Variants in ANKRD27 observed in about 807,000 individuals in gnomAD.
The protein encoded by ANKRD27 is ankyrin repeat domain 27.
In ANKRD27, 112 loss-of-function variants were observed where a neutral mutation model predicts 129.7. The ratio of observed to expected loss-of-function variants is 0.86; its 90% confidence interval spans 0.74 to 1.01. ANKRD27 has a LOEUF of 1.01. Among genes scored for constraint, ANKRD27 ranks in the 50% least tolerant of loss-of-function variants. The pLI is 0.00. For synonymous variants in ANKRD27, 516 were observed against 511.2 expected, an observed-to-expected ratio of 1.01 and a Z score of -0.13; for missense variants, 1,258 against 1,300.5, an observed-to-expected ratio of 0.97 and a Z score of 0.50.
chr19:32,618,093 T>G (rs1021467151), intron 20 of ANKRD27, among the ~76,000 whole-genome samples: 1 of 151,868 alleles, frequency 6.6e-6, no homozygotes. Context: ...CTAAAACTGC[T>G]CAGGGAGGGC....
chr19:32,643,136 T>G lies in ANKRD27; in HGVS notation c.769A>C (p.Lys257Gln). 6.2e-7 allele frequency: 1 copy of G among 1,613,856 alleles called. No individual in the cohort carries two copies. Among genetic ancestry groups the G allele is most frequent in the East Asian group, 2.2e-5 (1 of 44,858 alleles). ...GCAAACCCTTACCTGAACTCCGGTT[T>G]CACACCAATATCTTTCTGCTGAAGA... ...QDLQQKDIGVKPEFSFNIPRA... is the reference protein window; with the variant it reads ...QDLQQKDIGVQPEFSFNIPRA... Residue 257 changes from lysine to glutamine, a missense_variant, in exon 9 of 29, where the codon AAA becomes CAA. Transcript: ENST00000306065.
intron 1 of ANKRD27, among the ~76,000 whole-genome samples, 187 bp downstream of exon 1, chr19:32,674,884 G>A (rs1040389828): frequency 4.6e-5 from 7 of 152,030 alleles, no homozygotes; most frequent in East Asian, 3.9e-4. Context: ...GCTGCGCACC[G>A]GGCACCCACC....
chr19:32,626,051 T>A (rs1972085949), intron 16 of ANKRD27, 85 bp from the exon 17 acceptor site: 7 of 1,034,992 alleles, frequency 6.8e-6, no homozygotes, highest in Non-Finnish European at 9.5e-6. Flanking sequence ...GGGAGGTCAT[T>A]TGCTCCCATC....
chr19:32,604,515 CATT>C (rs1971701625), intron 24 of ANKRD27, 91 bp from the exon 25 acceptor site: 2 of 1,269,556 alleles, frequency 1.6e-6, no homozygotes, highest in South Asian at 2.1e-5. Context: ...CTATAAAACA[CATT>C]GTTTTTTTTA....
At position 32,666,639 on chromosome 19, in the gene ANKRD27, C is replaced by CTTTT. The variant is rs1421941665; in HGVS notation, c.-30-7595_-30-7594insAAAA. On this transcript the variant is annotated intron_variant, in intron 1 of 28. Transcript: ENST00000306065. ...GGGCACAGAAAAGGAAATCAGATTT[C>CTTTT]TATTTTTTTTTTTTTTTTTTTTTGA... 1.5e-4 allele frequency among the ~76,000 whole-genome samples: 17 copies of CTTTT among 111,994 alleles called. 3 individuals are homozygous for CTTTT. Among genetic ancestry groups the CTTTT allele is most frequent in the Admixed American group, 2.1e-4 (2 of 9,690 alleles). 73.5% of individuals were successfully genotyped at this position (111,994 alleles called of 152,430 possible).
At position 32,599,985 on chromosome 19, in the gene ANKRD27, C is replaced by A; in HGVS notation, c.2833G>T (p.Ala945Ser). 6.2e-7 allele frequency: 1 copy of A among 1,612,672 alleles called. No homozygotes were observed. The highest frequency in any genetic ancestry group is 1.7e-5 in the Admixed American group (1 of 59,882). Residue 945 changes from alanine (A) to serine (S), a missense_variant, in exon 27 of 29, where the codon GCT becomes TCT. Physicochemically the swap from Ala to Ser is moderately conservative, Grantham distance 99 (BLOSUM62 1). Transcript: ENST00000306065. The part of the protein sequence containing the change: ...FTRQFYFVHS[A>S]GQFKGKTSRE... The stretch of plus-strand genomic sequence containing the variant: ...TTTCATACTCACTTAAACTGACCAG[C>A]TGAGTGGACAAAGTAAAACTGTCTT...
At chr19:32,655,877 G>C (rs1967507571) in intron 2 of ANKRD27, among the ~76,000 whole-genome samples, 1 of 151,974 alleles carries the variant, frequency 6.6e-6, no homozygotes, top group African/African-American at 2.4e-5. Context: ...CATCAGTCAG[G>C]CATGGTGGTG....
At chr19:32,657,072 C>G (rs898249457) in intron 2 of ANKRD27, among the ~76,000 whole-genome samples, 3 of 151,970 alleles carry the variant, frequency 2.0e-5, no homozygotes, top group Non-Finnish European at 2.9e-5. Flanking sequence ...TGTCAAGAAA[C>G]CCAGCTTCTC....
chr19:32,618,650 G>T (rs1298069137), intron 20 of ANKRD27, among the ~76,000 whole-genome samples: 5 of 152,050 alleles, frequency 3.3e-5, no homozygotes, highest in Non-Finnish European at 2.9e-5. Context: ...CACGGCTTGT[G>T]GGTAGTGGGA....
At chr19:32,641,106 C>A (rs1378534017) in intron 10 of ANKRD27, among the ~76,000 whole-genome samples, 1 of 151,614 alleles carries the variant, frequency 6.6e-6, no homozygotes, top group Non-Finnish European at 1.5e-5. Flanking sequence ...TTTCACCGTG[C>A]TAGCCAGGAT....
rs1555747114 is a variant in ANKRD27 at position 32,656,095 on chromosome 19, G to GGA, written c.102+2818_102+2819insTC. On this transcript the variant is annotated intron_variant, in intron 2 of 28. Coordinates refer to ENST00000306065, the MANE Select transcript of ANKRD27 (RefSeq NM_032139.3). ...AGAAAGAAAGAAAGAAAGAAAGAAA[G>GGA]AAAGAAAGAAAGAAAAGAAAAGAAA... Among the ~76,000 whole-genome samples, 450 of 116,506 alleles carry GGA rather than the reference G, an allele frequency of 3.9e-3. 5 individuals are homozygous for GGA. Among genetic ancestry groups the GGA allele is most frequent in the African/African-American group, 0.013 (362 of 26,850 alleles). 76.4% of individuals were successfully genotyped at this position (116,506 alleles called of 152,430 possible). A position where few individuals can be genotyped will look rare whatever the true frequency, so the allele number is the denominator to read the frequency against.
intron 2 of ANKRD27, among the ~76,000 whole-genome samples, chr19:32,652,588 T>G (rs1402069442): frequency 1.3e-5 from 2 of 149,062 alleles, no homozygotes; most frequent in African/African-American, 5.0e-5. Context: ...GGGTAGGGTG[T>G]GGGGTTGGGG....
intron 28 of ANKRD27, among the ~76,000 whole-genome samples, chr19:32,599,109 G>A (rs533790712): frequency 6.6e-5 from 10 of 152,146 alleles, no homozygotes; most frequent in South Asian, 2.1e-4. Context: ...GTGAAACTGC[G>A]TCTCTACTAA....
At chr19:32,624,224 G>A (rs1043117365) in intron 17 of ANKRD27, among the ~76,000 whole-genome samples, 1 of 152,080 alleles carries the variant, frequency 6.6e-6, no homozygotes, top group Non-Finnish European at 1.5e-5. Context: ...AAAATTAGCT[G>A]GATGTGGTGG....
intron 23 of ANKRD27, among the ~76,000 whole-genome samples, chr19:32,606,240 C>T (rs1288077583): frequency 6.6e-6 from 1 of 151,442 alleles, no homozygotes; most frequent in African/African-American, 2.4e-5. Context: ...CCAGCCTCCG[C>T]CTCCCAGGTT....
In ANKRD27 at chr19:32,622,616, C is replaced by T. The variant is rs779378822; in HGVS notation, c.1633G>A (p.Val545Met). ...LACTYGHEDC[V>M]KALVYYDVES... is the part of the protein sequence containing the mutation. ...ACGTCGTAGTAAACCAGAGCCTTCACACACTGCAAAGAGATGGGGAAATGG... is the reference window on the plus strand; with the variant it reads ...ACGTCGTAGTAAACCAGAGCCTTCATACACTGCAAAGAGATGGGGAAATGG... The change falls in exon 18 of 29, where the codon GTG becomes ATG. Residue 545 changes from valine to methionine, a missense_variant. Physicochemically the swap from Val to Met is conservative, Grantham distance 21. Transcript: ENST00000306065. 1.2e-6 allele frequency: 2 copies of T among 1,613,498 alleles called. No homozygotes were observed. The highest frequency in any genetic ancestry group is 8.5e-7 in the Non-Finnish European group (1 of 1,180,014).
rs1444158670 is a variant in ANKRD27 at position 32,622,447 on chromosome 19, G to A, written c.1802C>T (p.Pro601Leu). ...TEIQNRLKET[P>L]LKCALNSKIL... is the part of the protein sequence containing the mutation. Reference sequence around the variant, plus strand: ...CTTTGAGTTTAATGCACACTTGAGGGGCGTCTCCTTCAGTCTGTTCTGGAT... The same window carrying A: ...CTTTGAGTTTAATGCACACTTGAGGAGCGTCTCCTTCAGTCTGTTCTGGAT... Residue 601 changes from proline (P) to leucine (L), a missense_variant, in exon 18 of 29, where the codon CCC becomes CTC. Physicochemically the swap from Pro to Leu is moderately conservative, Grantham distance 98 (BLOSUM62 -3). Transcript: ENST00000306065. 2 of 1,613,586 alleles carry A rather than the reference G, an allele frequency of 1.2e-6. No individual in the cohort carries two copies. Among genetic ancestry groups the A allele is most frequent in the Admixed American group, 1.7e-5 (1 of 59,966 alleles).
In ANKRD27 at chr19:32,613,069, A is replaced by AGAACCC. The variant is rs57569946; in HGVS notation, c.2175+2588_2175+2589insGGGTTC. ...ATATCCACATATCTAGAATATATAA[A>AGAACCC]TTCAACGATAAAGCCAAAAACAAAC... On this transcript the variant is annotated intron_variant, in intron 22 of 28. Transcript: ENST00000306065. Among the ~76,000 whole-genome samples the AGAACCC allele has an allele frequency of 2.6e-3, 391 of 152,268 alleles. 1 individual carries two copies. Among genetic ancestry groups the AGAACCC allele is most frequent in the African/African-American group, 8.9e-3 (371 of 41,570 alleles).
At chr19:32,631,590 T>A (rs1045197105) in intron 12 of ANKRD27, 96 bp from the exon 13 acceptor site, 3 of 916,404 alleles carry the variant, frequency 3.3e-6, no homozygotes, top group African/African-American at 3.3e-5. Context: ...TTCAGAGCAG[T>A]ATCGGCTGCG....
Sources: allele counts gnomAD v4.1 joint callset (sites outside exome capture counted in the v4.1 genomes callset), GRCh38; gene constraint gnomAD v4.1.1; transcripts MANE v1.5; gene names NCBI Gene and HGNC (gene_info 2026-07-23, HGNC 2026-07-21).